Variants in ME1 observed in about 807,000 individuals in gnomAD.
The protein encoded by ME1 is malic enzyme 1.
Under a neutral mutation model 66.4 loss-of-function variants are expected in ME1, and 74 were observed. That is an observed-to-expected ratio of 1.11 (90% CI 0.92 to 1.35). The LOEUF is 1.35. ME1 is among the 40% of genes most tolerant of loss of function. ME1 has a pLI of 0.00. For missense variants in ME1, 750 were observed against 694.1 expected (o/e 1.08, Z -0.90); for synonymous variants, 251 against 235.6 (o/e 1.07, Z -0.60).
In ME1 at chr6:83,275,716, C is replaced by T. The variant is rs1249531004; in HGVS notation, c.705-21978G>A. Among the ~76,000 whole-genome samples, 231 of 143,652 alleles carry T rather than the reference C, an allele frequency of 1.6e-3. 1 individual carries two copies. Among genetic ancestry groups the T allele is most frequent in the African/African-American group, 5.7e-3 (219 of 38,666 alleles). 94.2% of individuals were successfully genotyped at this position (143,652 alleles called of 152,430 possible). A position where few individuals can be genotyped will look rare whatever the true frequency, so the allele number is the denominator to read the frequency against. On this transcript the variant is annotated intron_variant, in intron 6 of 13. Coordinates refer to ENST00000369705, the MANE Select transcript of ME1 (RefSeq NM_002395.6). The stretch of plus-strand genomic sequence containing the variant: ...TCCTGACCTCGTGATCCGCCCGCCT[C>T]GGCCTCCCAAAGTGCTGGGATTACC...
intron 13 of ME1, among the ~76,000 whole-genome samples, chr6:83,212,798 A>G (rs1789919139): frequency 6.6e-6 from 1 of 152,036 alleles, no homozygotes; most frequent in South Asian, 2.1e-4. Flanking sequence ...GCAATTCCAA[A>G]CCTTCCCCCA....
At chr6:83,217,994 A>C (rs1465715387) in intron 12 of ME1, among the ~76,000 whole-genome samples, 1 of 152,226 alleles carries the variant, frequency 6.6e-6, no homozygotes. Context: ...ATTGCTCTAC[A>C]TATTATACAA....
At chr6:83,354,753 C>T (rs1280746714) in intron 3 of ME1, among the ~76,000 whole-genome samples, 3 of 152,196 alleles carry the variant, frequency 2.0e-5, no homozygotes, top group East Asian at 3.8e-4. Context: ...CAGCAAGGTG[C>T]TTAAGTACAA....
intron 6 of ME1, among the ~76,000 whole-genome samples, chr6:83,272,900 C>T (rs1282959553): frequency 2.0e-5 from 3 of 152,064 alleles, no homozygotes; most frequent in South Asian, 2.1e-4. Flanking sequence ...AAGGGCCAGG[C>T]GTGGTAGCTC....
intron 5 of ME1, among the ~76,000 whole-genome samples, chr6:83,342,436 A>T (rs147558692): frequency 8.7e-4 from 133 of 152,314 alleles, no homozygotes; most frequent in African/African-American, 3.1e-3. Flanking sequence ...TACATACTGC[A>T]ACTAGTTACA....
chr6:83,335,268 A>G (rs1768500338), intron 5 of ME1, among the ~76,000 whole-genome samples: 1 of 6,096 alleles, frequency 1.6e-4, no homozygotes, highest in African/African-American at 8.3e-4. Context: ...TTAGAGAAAA[A>G]AGAATAAAAA....
At chr6:83,393,194 G>A in intron 3 of ME1, 3 of 1,213,824 alleles carry the variant, frequency 2.5e-6, no homozygotes, top group Non-Finnish European at 3.7e-6. Flanking sequence ...TGGTGAAGCA[G>A]GCGTCAGAGG....
intron 6 of ME1, among the ~76,000 whole-genome samples, chr6:83,277,085 T>C (rs972429433): frequency 6.6e-6 from 1 of 152,200 alleles, no homozygotes; most frequent in African/African-American, 2.4e-5. Flanking sequence ...TATTTAACAA[T>C]TGATGAATGT....
intron 1 of ME1, among the ~76,000 whole-genome samples, chr6:83,413,574 C>G (rs533400036): frequency 2.6e-5 from 4 of 150,986 alleles, no homozygotes; most frequent in Non-Finnish European, 5.9e-5. Context: ...GAAAGAGGAC[C>G]CTTTATATTT....
intron 6 of ME1, among the ~76,000 whole-genome samples, chr6:83,273,538 T>C (rs1034959210): frequency 3.3e-5 from 5 of 152,170 alleles, no homozygotes; most frequent in African/African-American, 4.8e-5. Context: ...TCTTATTCCA[T>C]GAACTAAAAC....
chr6:83,286,930 T>C (rs773614288), intron 6 of ME1, among the ~76,000 whole-genome samples: 2 of 152,166 alleles, frequency 1.3e-5, no homozygotes, highest in African/African-American at 4.8e-5. Flanking sequence ...TCAAATTGCA[T>C]TGGAAAGTAA....
At chr6:83,293,184 G>A (rs1432550409) in intron 6 of ME1, among the ~76,000 whole-genome samples, 2 of 152,200 alleles carry the variant, frequency 1.3e-5, no homozygotes, top group East Asian at 1.9e-4. Context: ...AGATGAACCA[G>A]GTACCTCAGT....
At chr6:83,423,773 T>C (rs1770316407) in intron 1 of ME1, among the ~76,000 whole-genome samples, 1 of 151,002 alleles carries the variant, frequency 6.6e-6, no homozygotes, top group Non-Finnish European at 1.5e-5. Context: ...CCTGCCTGGA[T>C]GACAAAGCAA....
intron 6 of ME1, among the ~76,000 whole-genome samples, chr6:83,283,045 G>C (rs996108391): frequency 1.0e-4 from 15 of 150,628 alleles, no homozygotes; most frequent in Non-Finnish European, 2.1e-4. Flanking sequence ...TGGCTAACAA[G>C]GTGAAACCCC....
At position 83,402,081 on chromosome 6, in the gene ME1, G is replaced by A. The variant is rs1482504309; in HGVS notation, c.213-3565C>T. Reference sequence around the variant, plus strand: ...CACTTTAGAGCAAACGAAGTGTGGGGAATGAGCACATGCTCATGAAACTCA... The same window carrying A: ...CACTTTAGAGCAAACGAAGTGTGGGAAATGAGCACATGCTCATGAAACTCA... On this transcript the variant is annotated intron_variant, in intron 2 of 13. Transcript: ENST00000369705. Among the ~76,000 whole-genome samples the A allele has an allele frequency of 2.0e-5, 3 of 152,210 alleles. No individual in the cohort carries two copies. In the South Asian group the frequency reaches 6.2e-4, roughly 31 times the overall value.
chr6:83,296,125 T>G (rs1417220429), intron 6 of ME1, among the ~76,000 whole-genome samples: 1 of 152,142 alleles, frequency 6.6e-6, no homozygotes, highest in Non-Finnish European at 1.5e-5. Context: ...ACTGGAACTA[T>G]TCCAAAAATT....
In ME1 at chr6:83,398,506, A is replaced by G. The variant is rs775828253; in HGVS notation, c.223T>C (p.Leu75=). The change falls in exon 3 of 14, where the codon TTA becomes CTA. Residue 75 remains leucine, a synonymous_variant. Coordinates refer to ENST00000369705, the MANE Select transcript of ME1 (RefSeq NM_002395.6). Reference sequence around the variant, plus strand: ...TCATTTCTATCTTGGAGATCCATTAAGAGAAGATACCTGTAAAAATTGGAC... The same window carrying G: ...TCATTTCTATCTTGGAGATCCATTAGGAGAAGATACCTGTAAAAATTGGAC... The part of the protein sequence containing the change: ...LNSDFDRYLL[L]MDLQDRNEKL... The G allele has an allele frequency of 6.5e-7, 1 of 1,543,498 alleles. No homozygotes were observed. The highest frequency in any genetic ancestry group is 8.8e-7 in the Non-Finnish European group (1 of 1,135,798).
intron 6 of ME1, among the ~76,000 whole-genome samples, chr6:83,256,257 G>A (rs1766765415): frequency 6.6e-6 from 1 of 152,078 alleles, no homozygotes. Context: ...TGCAATGACT[G>A]GCACATGAGT....
intron 1 of ME1, among the ~76,000 whole-genome samples, chr6:83,410,189 T>C (rs146480880): frequency 1.3e-5 from 2 of 152,260 alleles, no homozygotes; most frequent in East Asian, 1.9e-4. Flanking sequence ...CTGACATAAA[T>C]AGAACTCAGA....
Sources: allele counts gnomAD v4.1 joint callset (sites outside exome capture counted in the v4.1 genomes callset), GRCh38; gene constraint gnomAD v4.1.1; transcripts MANE v1.5; gene names NCBI Gene and HGNC (gene_info 2026-07-23, HGNC 2026-07-21).